The following KCNH5 variants were observed in gnomAD, a reference collection of about 807,000 sequenced individuals.
KCNH5 encodes voltage-gated delayed rectifier potassium channel KCNH5.
Under a neutral mutation model 96.1 loss-of-function variants are expected in KCNH5, and 46 were observed. The ratio of observed to expected loss-of-function variants is 0.48; its 90% CI spans 0.38 to 0.61. The LOEUF is 0.61. KCNH5 is among the 20% of genes least tolerant of loss of function. KCNH5 has a pLI of 0.00. For synonymous variants in KCNH5, 439 were observed against 449.8 expected, an observed-to-expected ratio of 0.98 and a Z score of 0.30; for missense variants, 907 against 1,225.8, an observed-to-expected ratio of 0.74 and a Z score of 3.88.
chr14:62,819,953 A>G (rs559968571), intron 8 of KCNH5, among the ~76,000 whole-genome samples: 11 of 152,362 alleles, frequency 7.2e-5, no homozygotes, highest in Middle Eastern at 6.8e-3. Context: ...CTCATGAGCC[A>G]TAAGTACTTC....
chr14:62,875,471 A>G (rs1888352522), intron 7 of KCNH5, among the ~76,000 whole-genome samples: 1 of 152,226 alleles, frequency 6.6e-6, no homozygotes, highest in Non-Finnish European at 1.5e-5. Context: ...CCAAAACAGC[A>G]TGGTACTGGT....
At chr14:62,888,683 G>T (rs1888645760) in intron 7 of KCNH5, among the ~76,000 whole-genome samples, 1 of 152,070 alleles carries the variant, frequency 6.6e-6, no homozygotes, top group African/African-American at 2.4e-5. Context: ...ATATTAAAAA[G>T]CAAGTTTCTG....
chr14:62,761,517 A>C (rs2139956279), intron 10 of KCNH5, among the ~76,000 whole-genome samples: 1 of 152,314 alleles, frequency 6.6e-6, no homozygotes, highest in East Asian at 1.9e-4. Context: ...CAATTCAAAA[A>C]GTGAAGGGAA....
intron 8 of KCNH5, among the ~76,000 whole-genome samples, chr14:62,805,620 T>C (rs1252882977): frequency 6.6e-6 from 1 of 152,152 alleles, no homozygotes; most frequent in Non-Finnish European, 1.5e-5. Context: ...TGGAGTAAAA[T>C]TATCATTCAA....
At chr14:62,908,925 C>CTGACCAGGTCCAAA (rs1215080396) in intron 7 of KCNH5, among the ~76,000 whole-genome samples, 1 of 150,770 alleles carries the variant, frequency 6.6e-6, no homozygotes, top group East Asian at 1.9e-4. Flanking sequence ...GACCTACTAC[C>CTGACCAGGTCCAAA]TGACCAGGTC....
chr14:62,816,733 T>C (rs150040984), intron 8 of KCNH5, among the ~76,000 whole-genome samples: 8,147 of 151,862 alleles, frequency 0.054, 229 homozygotes, highest in South Asian at 0.085. Context: ...TAAATATAAT[T>C]GACATATAGT....
At chr14:62,724,350 G>A (rs867843516) in intron 10 of KCNH5, among the ~76,000 whole-genome samples, 1 of 152,130 alleles carries the variant, frequency 6.6e-6, no homozygotes, top group South Asian at 2.1e-4. Flanking sequence ...AGATGGGGCT[G>A]AACTTGCTTC....
rs759902141 is a variant in KCNH5 at position 63,045,157 on chromosome 14, T to C, written c.30A>G (p.Ala10=). 5 of 1,613,786 alleles carry C rather than the reference T, an allele frequency of 3.1e-6. No individual in the cohort carries two copies. Among genetic ancestry groups the C allele is most frequent in the Non-Finnish European group, 4.2e-6 (5 of 1,180,010 alleles). Residue 10 remains alanine, a synonymous_variant, in exon 1 of 11, where the codon GCA becomes GCG. Coordinates refer to ENST00000322893, the MANE Select transcript of KCNH5 (RefSeq NM_139318.5). ...TGTTCTCCAAAAATGTGTTCTGCGG[T>C]GCCACCAGCCCTCTCTTGCCCCCCG... The part of the protein sequence containing the change: MPGGKRGLV[A]PQNTFLENIV...
At chr14:62,846,566 A>G (rs531095484) in intron 8 of KCNH5, among the ~76,000 whole-genome samples, 1 of 151,790 alleles carries the variant, frequency 6.6e-6, no homozygotes, top group East Asian at 1.9e-4. Flanking sequence ...TCATGAGTGA[A>G]GACCCTTATA....
Position 62,817,109 on chromosome 14 carries a change from TG to T in KCNH5, c.1570-14529del, listed in dbSNP as rs1459217825. Reference sequence around the variant, plus strand: ...ATTATATATTATATATAATTATATATGACATAATATATTTATTATAATATAT... The same window carrying T: ...ATTATATATTATATATAATTATATATACATAATATATTTATTATAATATAT... On this transcript the variant is annotated intron_variant, in intron 8 of 10. Coordinates refer to ENST00000322893, the MANE Select transcript of KCNH5 (RefSeq NM_139318.5). Among the ~76,000 whole-genome samples the T allele has an allele frequency of 8.0e-5, 11 of 136,950 alleles. No homozygotes were observed. In the Middle Eastern group the frequency reaches 0.015, roughly 182 times the overall value. 89.8% of individuals were successfully genotyped at this position (136,950 alleles called of 152,430 possible).
chr14:62,863,692 T>G (rs752930029), intron 7 of KCNH5, among the ~76,000 whole-genome samples: 2 of 152,130 alleles, frequency 1.3e-5, no homozygotes, highest in Non-Finnish European at 2.9e-5. Flanking sequence ...CACTGAAATT[T>G]TATATGCTAT....
At chr14:62,920,207 T>C (rs1489639836) in intron 7 of KCNH5, among the ~76,000 whole-genome samples, 1 of 151,870 alleles carries the variant, frequency 6.6e-6, no homozygotes, top group Non-Finnish European at 1.5e-5. Context: ...GGAAGAATGA[T>C]GTGGAGGGAT....
intron 2 of KCNH5, among the ~76,000 whole-genome samples, chr14:63,012,974 T>A: frequency 6.9e-6 from 1 of 145,294 alleles, no homozygotes. Context: ...GGGGATGGGA[T>A]GAAAGGGAAA....
chr14:62,711,503 G>C (rs746598595), intron 10 of KCNH5, among the ~76,000 whole-genome samples: 1 of 152,108 alleles, frequency 6.6e-6, no homozygotes, highest in African/African-American at 2.4e-5. Flanking sequence ...TTTTACGCCC[G>C]GGAGATAGGA....
intron 8 of KCNH5, among the ~76,000 whole-genome samples, chr14:62,828,812 C>T (rs1392737005): frequency 6.6e-6 from 1 of 152,090 alleles, no homozygotes; most frequent in East Asian, 1.9e-4. Context: ...CCCAACAGTC[C>T]CCCAAAGTCT....
At chr14:62,818,181 T>G (rs530962696) in intron 8 of KCNH5, among the ~76,000 whole-genome samples, 1 of 150,932 alleles carries the variant, frequency 6.6e-6, no homozygotes, top group East Asian at 1.9e-4. Flanking sequence ...ATGAATAAGT[T>G]CTAGAGACCT....
intron 7 of KCNH5, chr14:62,949,800 CTT>C (rs10523496): frequency 4.0e-3 from 677 of 167,700 alleles, no homozygotes; most frequent in South Asian, 9.3e-3. Flanking sequence ...GATCCTATCT[CTT>C]TTTTTTTTTT....
chr14:62,826,413 T>TGC (rs1389521787), intron 8 of KCNH5, among the ~76,000 whole-genome samples: 1 of 130,942 alleles, frequency 7.6e-6, no homozygotes, highest in Admixed American at 7.2e-5. Context: ...CGTGCATGTG[T>TGC]GTGTGTGTGT....
intron 7 of KCNH5, among the ~76,000 whole-genome samples, chr14:62,855,528 ATTCTT>A (rs923868007): frequency 2.0e-5 from 3 of 152,170 alleles, no homozygotes; most frequent in Admixed American, 6.5e-5. Flanking sequence ...ATAAATAATT[ATTCTT>A]TTCTTAAGCC....
Sources: allele counts gnomAD v4.1 joint callset (sites outside exome capture counted in the v4.1 genomes callset), GRCh38; gene constraint gnomAD v4.1.1; transcripts MANE v1.5; gene names NCBI Gene and HGNC (gene_info 2026-07-23, HGNC 2026-07-21).